The following PNN variants were observed in gnomAD, a reference collection of about 807,000 sequenced individuals.
PNN encodes pinin, desmosome associated protein, also known as pinin.
In PNN, 38 loss-of-function variants were observed where a neutral mutation model predicts 76.6. That is an observed-to-expected ratio of 0.50 (90% CI 0.38 to 0.65). The LOEUF (loss-of-function observed/expected upper bound fraction) is 0.65. Among genes scored for constraint, PNN ranks in the 30% least tolerant of loss-of-function variants. The probability of loss-of-function intolerance (pLI) is 0.00; values close to 1 mark genes in which losing one functional copy is unlikely to be tolerated. For missense variants in PNN, 873 were observed against 874.1 expected, an observed-to-expected ratio of 1.00 and a Z score of 0.02; for synonymous variants, 366 against 283.7, an observed-to-expected ratio of 1.29 and a Z score of -2.91.
chr14:39,175,502 G>T (rs938368286), intron 1 of PNN, 110 bp downstream of exon 1: 170 of 718,754 alleles, frequency 2.4e-4, no homozygotes, highest in Non-Finnish European at 3.0e-4. Flanking sequence ...GGAACCTCGA[G>T]GCCTGTTCGC....
chr14:39,176,728 G>T, intron 3 of PNN, 133 bp downstream of exon 3: 5 of 643,496 alleles, frequency 7.8e-6, no homozygotes, highest in Non-Finnish European at 1.3e-5. Context: ...CCCCCCCCAA[G>T]TTCTGTTGGT....
rs762567964 is a variant in PNN at position 39,181,904 on chromosome 14, A to T, written c.*41A>T. 4.6e-6 allele frequency: 7 copies of T among 1,516,318 alleles called. No individual in the cohort carries two copies. Among genetic ancestry groups the T allele is most frequent in the East Asian group, 4.5e-5 (2 of 44,216 alleles). The allele number at this position is 1,516,318 out of a possible 1,614,324, so 93.9% of individuals were successfully genotyped here. A position where few individuals can be genotyped will look rare whatever the true frequency, so the allele number is the denominator to read the frequency against. On this transcript the variant is annotated 3_prime_UTR_variant, in exon 9 of 9. Coordinates refer to ENST00000216832, the MANE Select transcript of PNN (RefSeq NM_002687.4). The stretch of plus-strand genomic sequence containing the variant: ...TTTCTTAGCCATTCTTTGCAGCAGA[A>T]GATTTCTTGATAAAAAAGGATTACC...
Position 39,178,724 on chromosome 14 carries a change from GAAAAA to G in PNN, c.499-349_499-345del, listed in dbSNP as rs61670617. Among the ~76,000 whole-genome samples the G allele has an allele frequency of 5.3e-5, 6 of 114,212 alleles. 1 individual carries two copies. The South Asian group carries it at 8.7e-4, about 17-fold the overall frequency. The allele number at this position is 114,212 out of a possible 152,430, so 74.9% of individuals were successfully genotyped here. A position where few individuals can be genotyped will look rare whatever the true frequency, so the allele number is the denominator to read the frequency against. On this transcript the variant is annotated intron_variant, in intron 6 of 8. Coordinates refer to ENST00000216832, the MANE Select transcript of PNN (RefSeq NM_002687.4). ...CGGCCTGCAGATACCTTTACATAGT[GAAAAA>G]AAAAAAAAAAAAAAAAATTTTTTTT...
chr14:39,180,253 C>T (rs974103820), intron 8 of PNN, among the ~76,000 whole-genome samples: 2 of 152,122 alleles, frequency 1.3e-5, no homozygotes, highest in Non-Finnish European at 2.9e-5. Flanking sequence ...AAAGATTGAT[C>T]TGTTTTCTTC....
Position 39,179,324 on chromosome 14 carries a change from C to T in PNN, c.655C>T (p.Gln219Ter). ...CACTGACCCTTTACCTTTTCTTTAG[C>T]AAGAAGAATGGAATGAACATAATGC... is the stretch of plus-strand genomic sequence containing the variant. ...LEQKVELAQLQEEWNEHNAKI... is the reference protein window; with the variant it reads ...LEQKVELAQL The change falls in exon 8 of 9, where the codon CAA (glutamine) becomes TAA (stop). Residue 219 changes from glutamine to a stop codon, truncating the protein, a stop_gained and splice_region_variant. Coordinates refer to ENST00000216832, the MANE Select transcript of PNN (RefSeq NM_002687.4). LOFTEE classifies it high-confidence loss of function. 6.2e-7 allele frequency: 1 copy of T among 1,608,336 alleles called. No homozygotes were observed. The highest frequency in any genetic ancestry group is 8.5e-7 in the Non-Finnish European group (1 of 1,178,488).
At chr14:39,177,744 A>G in intron 5 of PNN, 57 bp downstream of exon 5, 3 of 1,474,790 alleles carry the variant, frequency 2.0e-6, no homozygotes, top group South Asian at 2.3e-5. Flanking sequence ...AGGAAAATCA[A>G]GGGATTGTTC....
At position 39,179,232 on chromosome 14, in the gene PNN, G is replaced by C. The variant is rs1169955754; in HGVS notation, c.640G>C (p.Glu214Gln). 1 of 1,612,468 alleles carries C rather than the reference G, an allele frequency of 6.2e-7. No homozygotes were observed. Among genetic ancestry groups the C allele is most frequent in the Non-Finnish European group, 8.5e-7 (1 of 1,179,682 alleles). The change falls in exon 7 of 9, where the codon GAG becomes CAG. Residue 214 changes from glutamate (E) to glutamine (Q), a missense_variant. Glu to Gln is a conservative substitution (Grantham distance 29, BLOSUM62 2). Transcript: ENST00000216832. ...TELRLLEQKV[E>Q]LAQLQEEWNE... Reference sequence around the variant, plus strand: ...ACTGCGGCTTTTGGAACAGAAAGTTGAGCTTGCGCAGCTGGTGAGTGGTAA... The same window carrying C: ...ACTGCGGCTTTTGGAACAGAAAGTTCAGCTTGCGCAGCTGGTGAGTGGTAA...
intron 2 of PNN, 53 bp downstream of exon 2, chr14:39,176,202 A>C (rs1358829898): frequency 3.0e-5 from 31 of 1,029,606 alleles, no homozygotes; most frequent in Non-Finnish European, 3.4e-5. Flanking sequence ...ACTTTACTAA[A>C]TATGTTGGTT....
At position 39,177,638 on chromosome 14, in the gene PNN, C is replaced by T. The variant is rs1338680844; in HGVS notation, c.373C>T (p.Arg125Cys). 3 of 1,613,550 alleles carry T rather than the reference C, an allele frequency of 1.9e-6. No homozygotes were observed. The African/African-American group carries it at 4.0e-5, about 22-fold the overall frequency. Residue 125 changes from arginine (R) to cysteine (C), a missense_variant, in exon 5 of 9, where the codon CGT becomes TGT. By Grantham distance (180) the Arg-to-Cys change is radical (BLOSUM62 -3). This residue lies in a region of PNN where 5 missense variants were observed against 19.3 expected (regional missense o/e 0.26). Coordinates refer to ENST00000216832, the MANE Select transcript of PNN (RefSeq NM_002687.4). ...SVVATSKERT[R>C]RDLIQDQNMD... ...TGTAGCTACCTCCAAAGAGCGCACA[C>T]GTAGAGACCTTATCCAGGATCAAAA...
In PNN at chr14:39,180,495, T is replaced by G; in HGVS notation, c.794-8T>G. 1.3e-6 allele frequency: 2 copies of G among 1,539,664 alleles called. No individual in the cohort carries two copies. Among genetic ancestry groups the G allele is most frequent in the Non-Finnish European group, 1.7e-6 (2 of 1,147,038 alleles). ...TAAATTTTACACATGTAAATTTTTA[T>G]TCTTTAGCTTTATTTGAAGGTAGAC... On this transcript the variant is annotated splice_polypyrimidine_tract_variant and splice_region_variant and intron_variant, in intron 8 of 8. Transcript: ENST00000216832.
chr14:39,177,524 C>G lies in PNN; in HGVS notation c.327+40C>G, dbSNP rs201118466. ...AGAACTTAAATGAATGTAGTACCTTCACTTTACTACATTTAAAAGCACACC... is the reference window on the plus strand; with the variant it reads ...AGAACTTAAATGAATGTAGTACCTTGACTTTACTACATTTAAAAGCACACC... On this transcript the variant is annotated intron_variant, in intron 4 of 8. Coordinates refer to ENST00000216832, the MANE Select transcript of PNN (RefSeq NM_002687.4). 289 of 1,572,148 alleles carry G rather than the reference C, an allele frequency of 1.8e-4. No homozygotes were observed. The African/African-American group carries it at 3.4e-3, about 19-fold the overall frequency.
intron 3 of PNN, 96 bp downstream of exon 3, chr14:39,176,691 T>A: frequency 1.3e-6 from 1 of 787,378 alleles, no homozygotes; most frequent in Non-Finnish European, 2.0e-6. Flanking sequence ...TCAGCAATAT[T>A]AAAATTGAGT....
chr14:39,179,537 C>A, intron 8 of PNN, 75 bp downstream of exon 8: 2 of 1,197,102 alleles, frequency 1.7e-6, no homozygotes, highest in East Asian at 2.5e-5. Context: ...CGTTTGTTTT[C>A]TAAAATAATT....
rs1594556944 is a variant in PNN at position 39,180,865 on chromosome 14, G to A, written c.1156G>A (p.Val386Ile). 1 of 1,614,172 alleles carries A rather than the reference G, an allele frequency of 6.2e-7. No homozygotes were observed. Among genetic ancestry groups the A allele is most frequent in the Non-Finnish European group, 8.5e-7 (1 of 1,180,022 alleles). ...GCAGCAGGATAGTCAGCCTGAAGAA[G>A]TTATGGATGTGCTAGAGATGGTTGA... ...EKQQDSQPEE[V>I]MDVLEMVENV... is the part of the protein sequence containing the mutation. The change falls in exon 9 of 9, where the codon GTT becomes ATT. Residue 386 changes from valine to isoleucine, a missense_variant. By Grantham distance (29) the Val-to-Ile change is conservative. This residue lies in a region of PNN where 712 missense variants were observed against 693.1 expected (regional missense o/e 1.03). Transcript: ENST00000216832.
In PNN at chr14:39,179,234, G is replaced by A; in HGVS notation, c.642G>A (p.Glu214=). The A allele has an allele frequency of 1.2e-6, 2 of 1,612,286 alleles. No individual in the cohort carries two copies. The highest frequency in any genetic ancestry group is 2.7e-5 in the African/African-American group (2 of 74,880). Residue 214 remains glutamate, a synonymous_variant, in exon 7 of 9, where the codon GAG becomes GAA. Coordinates refer to ENST00000216832, the MANE Select transcript of PNN (RefSeq NM_002687.4). ...TELRLLEQKV[E]LAQLQEEWNE... Reference sequence around the variant, plus strand: ...TGCGGCTTTTGGAACAGAAAGTTGAGCTTGCGCAGCTGGTGAGTGGTAATT... The same window carrying A: ...TGCGGCTTTTGGAACAGAAAGTTGAACTTGCGCAGCTGGTGAGTGGTAATT...
chr14:39,176,685 C>A, intron 3 of PNN, 90 bp downstream of exon 3: 3 of 840,856 alleles, frequency 3.6e-6, no homozygotes, highest in Non-Finnish European at 3.7e-6. Context: ...TCTGTTTCAG[C>A]AATATTAAAA....
Position 39,180,646 on chromosome 14 carries a change from G to T in PNN, c.937G>T (p.Ala313Ser), listed in dbSNP as rs764778542. 2.6e-5 allele frequency: 42 copies of T among 1,613,360 alleles called. No individual in the cohort carries two copies. Among genetic ancestry groups the T allele is most frequent in the Non-Finnish European group, 3.4e-5 (40 of 1,179,644 alleles). ...QKAEQEEGKV[A>S]QREEELEETG... ...GGCGGAACAAGAAGAGGGTAAGGTG[G>T]CTCAGCGAGAGGAAGAGTTGGAGGA... The change falls in exon 9 of 9, where the codon GCT becomes TCT. Residue 313 changes from alanine to serine, a missense_variant. Ala to Ser is a moderately conservative substitution (Grantham distance 99, BLOSUM62 1). This residue lies in a region of PNN where 712 missense variants were observed against 693.1 expected (regional missense o/e 1.03). Transcript: ENST00000216832.
At chr14:39,179,032 T>C in intron 6 of PNN, 59 bp from the exon 7 acceptor site, 2 of 1,472,738 alleles carry the variant, frequency 1.4e-6, no homozygotes, top group Non-Finnish European at 1.9e-6. Context: ...AAATCATATA[T>C]ACCTTTTGTT....
chr14:39,177,495 T>C lies in PNN; in HGVS notation c.327+11T>C. The C allele has an allele frequency of 6.2e-7, 1 of 1,611,956 alleles. No homozygotes were observed. ...GATGATGTTAAAAAGGTATTGAGAT[T>C]GAAAGAACTTAAATGAATGTAGTAC... On this transcript the variant is annotated intron_variant, in intron 4 of 8. Coordinates refer to ENST00000216832, the MANE Select transcript of PNN (RefSeq NM_002687.4).
Sources: gnomAD v4.1 joint callset for allele counts (sites outside exome capture counted in the v4.1 genomes callset) on GRCh38, gnomAD v4.1.1 for gene constraint, gnomAD v4.1.1 regional missense constraint, MANE v1.5 for transcripts, NCBI Gene and HGNC (gene_info 2026-07-23, HGNC 2026-07-21) for gene names.